The following SHLD2 variants were observed in gnomAD, a reference collection of about 807,000 sequenced individuals.
SHLD2 encodes the protein RINN1-REV7-interacting novel NHEJ regulator 2.
A neutral mutation model predicts 73.2 loss-of-function variants in SHLD2; 30 were observed. The observed-to-expected ratio is 0.41, with a 90% CI of 0.31 to 0.56. The LOEUF (loss-of-function observed/expected upper bound fraction) is 0.56, where lower values mean the gene tolerates loss of function less well. Among genes scored for constraint, SHLD2 ranks in the 20% least tolerant of loss-of-function variants. SHLD2 has a pLI of 0.28. For synonymous variants in SHLD2, 285 were observed against 370.1 expected (o/e 0.77, Z 2.64); for missense variants, 745 against 1,055.9 (o/e 0.71, Z 4.08).
intron 2 of SHLD2, among the ~76,000 whole-genome samples, chr10:87,147,357 AAGAG>A (rs71019470): frequency 0.28 from 41,367 of 150,156 alleles, 6,624 homozygotes; most frequent in East Asian, 0.73. Flanking sequence ...CCCAAGGAGG[AAGAG>A]AGAGAGAGAG....
At chr10:87,181,968 A>C (rs1220012951) in intron 8 of SHLD2, among the ~76,000 whole-genome samples, 1 of 151,592 alleles carries the variant, frequency 6.6e-6, no homozygotes, top group African/African-American at 2.4e-5. Context: ...GGGTTTCTCC[A>C]TGTTGGTCAG....
chr10:87,142,167 C>A (rs894397780), intron 2 of SHLD2, among the ~76,000 whole-genome samples: 2 of 152,188 alleles, frequency 1.3e-5, no homozygotes, highest in African/African-American at 4.8e-5. Flanking sequence ...GGAGAGAAGT[C>A]TTAAAAACCA....
At chr10:87,158,949 G>A (rs1328203593) in intron 4 of SHLD2, among the ~76,000 whole-genome samples, 2 of 152,076 alleles carry the variant, frequency 1.3e-5, no homozygotes, top group East Asian at 1.9e-4. Context: ...TTATAGGGTT[G>A]TTATGAAGAT....
intron 1 of SHLD2, among the ~76,000 whole-genome samples, chr10:87,096,554 C>G (rs1430371874): frequency 6.6e-6 from 1 of 152,010 alleles, no homozygotes; most frequent in Non-Finnish European, 1.5e-5. Flanking sequence ...TCAAGACCAG[C>G]CTGGGCTCGT....
intron 8 of SHLD2, among the ~76,000 whole-genome samples, chr10:87,182,606 C>T (rs939727587): frequency 6.6e-6 from 1 of 152,146 alleles, no homozygotes; most frequent in African/African-American, 2.4e-5. Flanking sequence ...TTCAGATTTA[C>T]ATTTTTGGAA....
At chr10:87,184,943 A>G (rs1447488450) in intron 8 of SHLD2, among the ~76,000 whole-genome samples, 1 of 152,176 alleles carries the variant, frequency 6.6e-6, no homozygotes. Flanking sequence ...TATACCATCA[A>G]ATTAATCTTC....
chr10:87,130,345 G>C (rs1373199319), intron 2 of SHLD2, among the ~76,000 whole-genome samples: 1 of 144,420 alleles, frequency 6.9e-6, no homozygotes, highest in Non-Finnish European at 1.5e-5. Context: ...TTCTGTGGGA[G>C]AGTGAGGGAA....
intron 2 of SHLD2, among the ~76,000 whole-genome samples, chr10:87,136,644 A>G (rs1844819872): frequency 6.6e-6 from 1 of 152,102 alleles, no homozygotes; most frequent in African/African-American, 2.4e-5. Context: ...CAGTTGAATC[A>G]CTACATGGAT....
chr10:87,148,315 G>C (rs1845766504), intron 2 of SHLD2, among the ~76,000 whole-genome samples: 1 of 152,162 alleles, frequency 6.6e-6, no homozygotes, highest in African/African-American at 2.4e-5. Flanking sequence ...ATACATATCT[G>C]TCTTAAGTAC....
chr10:87,128,757 C>T (rs1238012352), intron 2 of SHLD2, among the ~76,000 whole-genome samples: 1 of 152,150 alleles, frequency 6.6e-6, no homozygotes, highest in African/African-American at 2.4e-5. Flanking sequence ...AGGATCTTCC[C>T]TTTGTTTCCA....
chr10:87,150,762 A>T (rs891831753), intron 2 of SHLD2, among the ~76,000 whole-genome samples: 3 of 151,830 alleles, frequency 2.0e-5, no homozygotes, highest in Admixed American at 2.0e-4. Context: ...TCCATCTCAA[A>T]TGAAACAAAC....
At chr10:87,155,007 T>C (rs556462516) in intron 3 of SHLD2, among the ~76,000 whole-genome samples, 198 of 152,292 alleles carry the variant, frequency 1.3e-3, no homozygotes, top group Non-Finnish European at 2.3e-3. Flanking sequence ...CGATGTCTGC[T>C]CACTGCAAGC....
intron 6 of SHLD2, among the ~76,000 whole-genome samples, chr10:87,173,119 ACCT>A (rs1847716088): frequency 2.0e-5 from 3 of 150,270 alleles, no homozygotes; most frequent in Non-Finnish European, 2.9e-5. Flanking sequence ...GCTCACTGCA[ACCT>A]CCTCAAGTTA....
At chr10:87,105,507 T>C (rs1842539711) in intron 2 of SHLD2, among the ~76,000 whole-genome samples, 1 of 152,206 alleles carries the variant, frequency 6.6e-6, no homozygotes, top group Non-Finnish European at 1.5e-5. Context: ...AGAGATTCCT[T>C]AGGATGCCTT....
intron 9 of SHLD2, 135 bp from the exon 10 acceptor site, chr10:87,190,349 G>A (rs993731705): frequency 1.3e-5 from 10 of 788,158 alleles, no homozygotes; most frequent in Admixed American, 4.1e-5. Flanking sequence ...GTGAGCCACC[G>A]CTACTGGACG....
chr10:87,107,815 C>T (rs966165012), intron 2 of SHLD2, among the ~76,000 whole-genome samples: 1 of 152,054 alleles, frequency 6.6e-6, no homozygotes. Flanking sequence ...AGACTACATA[C>T]TTAAATATAC....
At chr10:87,140,861 A>G (rs1845141650) in intron 2 of SHLD2, among the ~76,000 whole-genome samples, 1 of 152,110 alleles carries the variant, frequency 6.6e-6, no homozygotes, top group South Asian at 2.1e-4. Flanking sequence ...CTGTAATCCC[A>G]CTTACTTGGG....
chr10:87,173,560 T>C (rs1847751923), intron 6 of SHLD2, among the ~76,000 whole-genome samples: 1 of 151,706 alleles, frequency 6.6e-6, no homozygotes, highest in Non-Finnish European at 1.5e-5. Context: ...TTATACTTTA[T>C]GTTTGTGCCA....
intron 2 of SHLD2, among the ~76,000 whole-genome samples, chr10:87,144,000 C>G (rs536129947): frequency 1.3e-5 from 2 of 151,836 alleles, no homozygotes; most frequent in Non-Finnish European, 2.9e-5. Context: ...AGTAGTGGGA[C>G]TACAGGCACA....
Sources: allele counts gnomAD v4.1 joint callset (sites outside exome capture counted in the v4.1 genomes callset), GRCh38; gene constraint gnomAD v4.1.1; transcripts MANE v1.5; gene names NCBI Gene and HGNC (gene_info 2026-07-23, HGNC 2026-07-21).